The following TAF1 variants were observed in gnomAD, a reference collection of about 807,000 sequenced individuals.
The protein encoded by TAF1 is TATA-box binding protein associated factor 1, also known as transcription initiation factor TFIID subunit 1.
TAF1 carries 2 observed loss-of-function variants against 138.5 expected under a neutral mutation model. The ratio of observed to expected loss-of-function variants is 0.01; its 90% CI spans 0.01 to 0.05. The LOEUF (loss-of-function observed/expected upper bound fraction) is 0.05, where lower values mean the gene tolerates loss of function less well. Ranked by LOEUF, TAF1 falls within the 10% of genes least tolerant of loss-of-function variation. The pLI is 1.00. For synonymous variants in TAF1, 437 were observed against 503.2 expected, an observed-to-expected ratio of 0.87 and a Z score of 1.76; for missense variants, 709 against 1,478.0, an observed-to-expected ratio of 0.48 and a Z score of 8.53.
chrX:71,391,661 C>G (rs1256155592), intron 18 of TAF1, among the ~76,000 whole-genome samples: 7 of 98,408 alleles, frequency 7.1e-5, no homozygotes, highest in Admixed American at 2.2e-4. Flanking sequence ...CAGAGTCTCA[C>G]TCTGTCTCCC....
chrX:71,417,468 C>A (rs771840703), intron 28 of TAF1, among the ~76,000 whole-genome samples: 1 of 110,864 alleles, frequency 9.0e-6, no homozygotes, highest in South Asian at 3.8e-4. Context: ...ATGATTCTCC[C>A]ACCTCAGCCT....
chrX:71,367,474 T>A (rs763567712), intron 1 of TAF1, 25 bp from the exon 2 acceptor site: 2 of 1,205,758 alleles, frequency 1.7e-6, no homozygotes, highest in Non-Finnish European at 2.2e-6. Flanking sequence ...GTTGTTATCT[T>A]CGACTCGTGC....
chrX:71,451,972 G>A (rs1230260396), intron 32 of TAF1, among the ~76,000 whole-genome samples: 1 of 112,411 alleles, frequency 8.9e-6, no homozygotes, highest in Admixed American at 9.3e-5. Flanking sequence ...ATCATGGCCC[G>A]TTCTCAATGA....
At position 71,398,692 on chromosome X, in the gene TAF1, T is replaced by C. The variant is rs775938521; in HGVS notation, c.3741T>C (p.Pro1247=). 8.3e-7 allele frequency: 1 copy of C among 1,207,790 alleles called. No individual in the cohort carries two copies. The highest frequency in any genetic ancestry group is 2.2e-5 in the Admixed American group (1 of 45,010). Residue 1247 remains proline, a synonymous_variant, in exon 24 of 38, where the codon CCT becomes CCC. Transcript: ENST00000423759. The part of the protein sequence containing the change: ...RNQEKEKLKG[P]PEKKPKKMKE... ...AGGAAAAGGAGAAGCTTAAGGGTCCTCCTGAGAAGAAGCCCAAGAAAATGA... is the reference window on the plus strand; with the variant it reads ...AGGAAAAGGAGAAGCTTAAGGGTCCCCCTGAGAAGAAGCCCAAGAAAATGA...
At chrX:71,372,206 C>A (rs965186664) in intron 3 of TAF1, among the ~76,000 whole-genome samples, 1 of 110,047 alleles carries the variant, frequency 9.1e-6, no homozygotes, top group Non-Finnish European at 1.9e-5. Context: ...CTGAGGTGGA[C>A]GGATAACTTG....
intron 28 of TAF1, chrX:71,420,499 C>T (rs1332919402): frequency 1.7e-6 from 2 of 1,203,577 alleles, no homozygotes; most frequent in Non-Finnish European, 2.2e-6. Context: ...GCATCGGCCT[C>T]CATCTTCTCC....
chrX:71,431,982 T>C (rs969069454), intron 32 of TAF1, among the ~76,000 whole-genome samples: 1 of 108,095 alleles, frequency 9.3e-6, no homozygotes, highest in Non-Finnish European at 1.9e-5. Context: ...GAGAATAATA[T>C]ACTGCAAACC....
intron 3 of TAF1, among the ~76,000 whole-genome samples, chrX:71,374,264 A>G (rs1291352078): frequency 1.8e-5 from 2 of 109,298 alleles, no homozygotes; most frequent in Non-Finnish European, 3.8e-5. Flanking sequence ...TGTATTTTTG[A>G]CAGAGATGGG....
At chrX:71,371,866 G>A (rs1044498891) in intron 3 of TAF1, among the ~76,000 whole-genome samples, 2 of 111,896 alleles carry the variant, frequency 1.8e-5, no homozygotes, top group Non-Finnish European at 3.8e-5. Flanking sequence ...ACTTTTGTGA[G>A]AATTGAAGTT....
intron 32 of TAF1, among the ~76,000 whole-genome samples, chrX:71,433,246 T>G (rs940824188): frequency 8.9e-6 from 1 of 112,328 alleles, no homozygotes; most frequent in Non-Finnish European, 1.9e-5. Context: ...GTGCAAACTA[T>G]TGGCACAAAG....
intron 37 of TAF1, among the ~76,000 whole-genome samples, chrX:71,463,283 AT>A (rs1206579692): frequency 9.1e-6 from 1 of 109,533 alleles, no homozygotes; most frequent in Non-Finnish European, 1.9e-5. Flanking sequence ...TACTTGTGTG[AT>A]TTTTTTTTCA....
intron 4 of TAF1, 32 bp from the exon 5 acceptor site, chrX:71,376,918 C>T (rs1460792953): frequency 8.3e-7 from 1 of 1,205,840 alleles, no homozygotes; most frequent in South Asian, 1.8e-5. Context: ...TTCACAGTTA[C>T]ATGCCAAAGG....
At chrX:71,511,601 G>A (rs1204533206) in intron 13 of TAF1, among the ~76,000 whole-genome samples, 1 of 112,626 alleles carries the variant, frequency 8.9e-6, no homozygotes, top group Non-Finnish European at 1.9e-5. Flanking sequence ...CCTTTATGGG[G>A]TGAAACTTGT....
At chrX:71,439,584 G>C (rs1157753702) in intron 32 of TAF1, among the ~76,000 whole-genome samples, 1 of 111,909 alleles carries the variant, frequency 8.9e-6, no homozygotes, top group Non-Finnish European at 1.9e-5. Context: ...TAACAGCTTG[G>C]TCTATAGTCT....
chrX:71,464,628 C>G lies in TAF1; in HGVS notation c.*582C>G, dbSNP rs1373853562. 6.2e-6 allele frequency: 1 copy of G among 160,740 alleles called. No homozygotes were observed. Among genetic ancestry groups the G allele is most frequent in the Non-Finnish European group, 1.2e-5 (1 of 85,766 alleles). 13.2% of individuals were successfully genotyped at this position (160,740 alleles called of 1,213,427 possible). A position where few individuals can be genotyped will look rare whatever the true frequency, so the allele number is the denominator to read the frequency against. On this transcript the variant is annotated 3_prime_UTR_variant, in exon 38 of 38. Transcript: ENST00000423759. ...GGCTGAGGCAGGAGAATTACTTGAA[C>G]CCGGGAGGCAGAGGTTGCAGTGAGT... is the stretch of plus-strand genomic sequence containing the variant.
chrX:71,457,731 A>G lies in TAF1; in HGVS notation c.4939-510A>G, dbSNP rs762712992. Among the ~76,000 whole-genome samples, 9 of 112,360 alleles carry G rather than the reference A, an allele frequency of 8.0e-5. No homozygotes were observed. The East Asian group carries it at 2.5e-3, about 31-fold the overall frequency. On this transcript the variant is annotated intron_variant, in intron 34 of 37. Transcript: ENST00000423759. ...TTACTCACTAGCAAGTGTTGGGGCC[A>G]GGACTCAAACCCAGGACATTTTACT...
intron 4 of TAF1, 62 bp downstream of exon 4, chrX:71,375,348 T>C: frequency 2.6e-6 from 3 of 1,165,902 alleles, no homozygotes; most frequent in Non-Finnish European, 3.4e-6. Context: ...TCCAGGCTTG[T>C]GGCACACACA....
At chrX:71,407,020 A>T (rs188286849) in intron 26 of TAF1, among the ~76,000 whole-genome samples, 21 of 107,369 alleles carry the variant, frequency 2.0e-4, no homozygotes, top group East Asian at 8.8e-4. Context: ...GGTTCAAGCA[A>T]TTCTCCTGCC....
rs200652940 is a variant in TAF1 at position 71,375,122 on chromosome X, A to G, written c.353-45A>G. 6 of 1,183,545 alleles carry G rather than the reference A, an allele frequency of 5.1e-6. No homozygotes were observed. The African/African-American group carries it at 7.2e-5, about 14-fold the overall frequency. ...TGGCAAGGAAGCTTAAGGCGGTTGT[A>G]TAATATTTTGGATATTGAGGAGATC... On this transcript the variant is annotated intron_variant, in intron 3 of 37. Coordinates refer to ENST00000423759, the MANE Select transcript of TAF1 (RefSeq NM_004606.5).
Sources: gnomAD v4.1 joint callset for allele counts (sites outside exome capture counted in the v4.1 genomes callset) on GRCh38, gnomAD v4.1.1 for gene constraint, MANE v1.5 for transcripts, NCBI Gene and HGNC (gene_info 2026-07-23, HGNC 2026-07-21) for gene names.